REM2: variants seen among roughly 807,000 people sequenced by gnomAD.
REM2 encodes GTP-binding protein REM 2.
In REM2, 24 loss-of-function variants were observed where a neutral mutation model predicts 24.4. The observed-to-expected ratio is 0.98, with a 90% CI of 0.71 to 1.38. The LOEUF (loss-of-function observed/expected upper bound fraction) is 1.38, where lower values mean the gene tolerates loss of function less well. Among genes scored for constraint, REM2 ranks in the 40% most tolerant of loss-of-function variants. REM2 has a pLI of 0.00. For synonymous variants in REM2, 187 were observed against 198.0 expected (o/e 0.94, Z 0.47); for missense variants, 429 against 467.8 (o/e 0.92, Z 0.77).
chr14:22,884,586 C>A, intron 1 of REM2, 88 bp from the exon 2 acceptor site: 2 of 1,473,878 alleles, frequency 1.4e-6, no homozygotes, highest in Non-Finnish European at 1.8e-6. Context: ...GCCTCTGATA[C>A]TGGAACAGCC....
At position 22,886,131 on chromosome 14, in the gene REM2, C is replaced by T. The variant is rs1194787603; in HGVS notation, c.627C>T (p.Thr209=). The change falls in exon 4 of 5, where the codon ACC becomes ACT. Residue 209 remains threonine, a synonymous_variant. Transcript: ENST00000267396. This position sits in a 1 kb window ranked among gnomAD's most constrained non-coding sequence, Gnocchi z 5.9. ...DRRSFSKVPE[T]LLRLRAGRPH... ...GGAGTTTCTCCAAAGTTCCAGAGAC[C>T]CTACTTCGGCTCCGGGCTGGGAGGC... 1 of 1,613,874 alleles carries T rather than the reference C, an allele frequency of 6.2e-7. No individual in the cohort carries two copies. Among genetic ancestry groups the T allele is most frequent in the Non-Finnish European group, 8.5e-7 (1 of 1,179,890 alleles).
chr14:22,885,359 T>C lies in REM2; in HGVS notation c.519+20T>C. On this transcript the variant is annotated intron_variant, in intron 3 of 4. Coordinates refer to ENST00000267396, the MANE Select transcript of REM2 (RefSeq NM_173527.3). Reference sequence around the variant, plus strand: ...GAACAGGTGAGAACTAAGATGTGGCTGCAGGCAGGTGATGAAGCTGGGAGA... The same window carrying C: ...GAACAGGTGAGAACTAAGATGTGGCCGCAGGCAGGTGATGAAGCTGGGAGA... 1 of 1,588,686 alleles carries C rather than the reference T, an allele frequency of 6.3e-7. No individual in the cohort carries two copies. Among genetic ancestry groups the C allele is most frequent in the East Asian group, 2.2e-5 (1 of 44,762 alleles).
chr14:22,885,403 C>A, intron 3 of REM2, 64 bp downstream of exon 3: 3 of 1,255,370 alleles, frequency 2.4e-6, no homozygotes, highest in South Asian at 2.4e-5. Flanking sequence ...AGGGCAAAGT[C>A]TGGCTGAAGG....
chr14:22,885,039 G>T (rs1370371286), intron 2 of REM2, 24 bp downstream of exon 2: 1 of 1,522,882 alleles, frequency 6.6e-7, no homozygotes. Context: ...CCCTCCAGGG[G>T]TTGAGGGGGC....
Position 22,885,025 on chromosome 14 carries a change from G to A in REM2, c.445+10G>A, listed in dbSNP as rs2040109822. 16 of 1,528,092 alleles carry A rather than the reference G, an allele frequency of 1.0e-5. No homozygotes were observed. The highest frequency in any genetic ancestry group is 1.4e-5 in the African/African-American group (1 of 72,250). 94.7% of individuals were successfully genotyped at this position (1,528,092 alleles called of 1,614,324 possible). A position where few individuals can be genotyped will look rare whatever the true frequency, so the allele number is the denominator to read the frequency against. ...GAACCGGAGAACCCAGGTATTTGGG[G>A]AAGCCCTCCAGGGGTTGAGGGGGCT... On this transcript the variant is annotated intron_variant, in intron 2 of 4. Coordinates refer to ENST00000267396, the MANE Select transcript of REM2 (RefSeq NM_173527.3).
In REM2 at chr14:22,883,386, A is replaced by G. The variant is rs773138504; in HGVS notation, c.99A>G (p.Thr33=). 3.2e-6 allele frequency: 5 copies of G among 1,552,892 alleles called. No homozygotes were observed. In the South Asian group the frequency reaches 5.9e-5, roughly 18 times the overall value. ...GGGCCTCCCCTCCAGGGACGCCCACACCAGGTGAGGGCTAACCTGGGCAGG... is the reference window on the plus strand; with the variant it reads ...GGGCCTCCCCTCCAGGGACGCCCACGCCAGGTGAGGGCTAACCTGGGCAGG... ...SRRASPPGTP[T]PEADATLLKK... is the part of the protein sequence containing the mutation. The change falls in exon 1 of 5, where the codon ACA becomes ACG. Residue 33 remains threonine, a synonymous_variant. Coordinates refer to ENST00000267396, the MANE Select transcript of REM2 (RefSeq NM_173527.3).
intron 1 of REM2, 79 bp downstream of exon 1, chr14:22,883,469 G>C: frequency 7.8e-7 from 1 of 1,290,194 alleles, no homozygotes; most frequent in Middle Eastern, 1.8e-4. Flanking sequence ...TCAGAACTAG[G>C]GGTTGAGGGA....
Position 22,884,777 on chromosome 14 carries a change from GC to G in REM2, c.209del (p.Pro70LeufsTer14). ...GGGCCCCCAGACGAAGAGGCAGTAT[GC>G]CTGTCCCCTACAAGCACCAGCTCCG... The part of the protein sequence containing the change: ...PGAPRRRGSM[P>X]VPYKHQLRRA... On this transcript the variant is annotated frameshift_variant, in exon 2 of 5. Transcript: ENST00000267396. LOFTEE classifies it high-confidence loss of function. 1 of 1,614,052 alleles carries G rather than the reference GC, an allele frequency of 6.2e-7. No individual in the cohort carries two copies. Among genetic ancestry groups the G allele is most frequent in the Non-Finnish European group, 8.5e-7 (1 of 1,179,892 alleles).
chr14:22,884,657 C>A lies in REM2; in HGVS notation c.104-17C>A. 1.3e-6 allele frequency: 2 copies of A among 1,581,322 alleles called. No homozygotes were observed. The highest frequency in any genetic ancestry group is 2.3e-5 in the South Asian group (2 of 86,984). ...CACTCATAGCTTCCTTTTCTTTGCC[C>A]TCCCATTTTATTTTAGAAGCAGATG... On this transcript the variant is annotated splice_polypyrimidine_tract_variant and intron_variant, in intron 1 of 4. Coordinates refer to ENST00000267396, the MANE Select transcript of REM2 (RefSeq NM_173527.3).
In REM2 at chr14:22,886,929, C is replaced by G. The variant is rs2040136362; in HGVS notation, c.*20C>G. 10 of 1,394,168 alleles carry G rather than the reference C, an allele frequency of 7.2e-6. No homozygotes were observed. Among genetic ancestry groups the G allele is most frequent in the Non-Finnish European group, 9.4e-6 (10 of 1,067,240 alleles). The allele number at this position is 1,394,168 out of a possible 1,614,324, so 86.4% of individuals were successfully genotyped here. Reference sequence around the variant, plus strand: ...CTCTGAGCCGCGGTCGCCATGGCCACTGCGGTCGCCATGGTCACCGCGCCC... The same window carrying G: ...CTCTGAGCCGCGGTCGCCATGGCCAGTGCGGTCGCCATGGTCACCGCGCCC... On this transcript the variant is annotated 3_prime_UTR_variant, in exon 5 of 5. Coordinates refer to ENST00000267396, the MANE Select transcript of REM2 (RefSeq NM_173527.3). This position sits in a 1 kb window ranked among gnomAD's most constrained non-coding sequence, Gnocchi z 5.9.
At position 22,886,283 on chromosome 14, in the gene REM2, C is replaced by A. The variant is rs777421314; in HGVS notation, c.727+52C>A. 2 of 1,495,960 alleles carry A rather than the reference C, an allele frequency of 1.3e-6. No individual in the cohort carries two copies. The highest frequency in any genetic ancestry group is 2.4e-5 in the East Asian group (1 of 41,740). The allele number at this position is 1,495,960 out of a possible 1,614,324, so 92.7% of individuals were successfully genotyped here. ...TTGCGATCTCAGGGGAATGCTCTCC[C>A]TTCCAAGTCACCTCTTCTCCCTAAG... On this transcript the variant is annotated intron_variant, in intron 4 of 4. Transcript: ENST00000267396. This position sits in a 1 kb window ranked among gnomAD's most constrained non-coding sequence, Gnocchi z 5.9.
chr14:22,887,079 G>C lies in REM2; in HGVS notation c.*170G>C. On this transcript the variant is annotated 3_prime_UTR_variant, in exon 5 of 5. Coordinates refer to ENST00000267396, the MANE Select transcript of REM2 (RefSeq NM_173527.3). ...CGGGGGCGGCCCGGGGCCGCTCGGC[G>C]GCACCTCCACACCCGCCCCAACGCG... 1 of 510,720 alleles carries C rather than the reference G, an allele frequency of 2.0e-6. No homozygotes were observed. 31.6% of individuals were successfully genotyped at this position (510,720 alleles called of 1,614,324 possible).
In REM2 at chr14:22,887,117, T is replaced by A. The variant is rs1464610514; in HGVS notation, c.*208T>A. Reference sequence around the variant, plus strand: ...CCGCCCCAACGCGTTCTCTGGAGCTTTGGGCCTCAGGGCGCCTAGAAGGCG... The same window carrying A: ...CCGCCCCAACGCGTTCTCTGGAGCTATGGGCCTCAGGGCGCCTAGAAGGCG... On this transcript the variant is annotated 3_prime_UTR_variant, in exon 5 of 5. Transcript: ENST00000267396. The A allele has an allele frequency of 1.2e-5, 5 of 420,450 alleles. No homozygotes were observed. The highest frequency in any genetic ancestry group is 1.2e-5 in the Non-Finnish European group (3 of 241,124). 26.0% of individuals were successfully genotyped at this position (420,450 alleles called of 1,614,324 possible).
In REM2 at chr14:22,886,195, A is replaced by C. The variant is rs940872931; in HGVS notation, c.691A>C (p.Ser231Arg). 3 of 1,613,732 alleles carry C rather than the reference A, an allele frequency of 1.9e-6. No individual in the cohort carries two copies. The highest frequency in any genetic ancestry group is 2.7e-5 in the African/African-American group (2 of 74,922). Residue 231 changes from serine to arginine, a missense_variant, in exon 4 of 5, where the codon AGC (serine) becomes CGC (arginine). By Grantham distance (110) the Ser-to-Arg change is moderately radical (BLOSUM62 -1). Coordinates refer to ENST00000267396, the MANE Select transcript of REM2 (RefSeq NM_173527.3). This position sits in a 1 kb window ranked among gnomAD's most constrained non-coding sequence, Gnocchi z 5.9. ...DLPVILVGNK[S>R]DLARSREVSL... Reference sequence around the variant, plus strand: ...ACCCGTTATCCTCGTTGGAAACAAGAGCGACTTGGCCCGCTCCCGGGAGGT... The same window carrying C: ...ACCCGTTATCCTCGTTGGAAACAAGCGCGACTTGGCCCGCTCCCGGGAGGT...
chr14:22,884,024 T>C (rs1269003702), intron 1 of REM2: 1 of 984,928 alleles, frequency 1.0e-6, no homozygotes, highest in Non-Finnish European at 1.2e-6. Flanking sequence ...AACCACGCAA[T>C]GAGGGATGCT....
At position 22,886,105 on chromosome 14, in the gene REM2, C is replaced by A; in HGVS notation, c.601C>A (p.Arg201=). 1 of 1,613,986 alleles carries A rather than the reference C, an allele frequency of 6.2e-7. No homozygotes were observed. Among genetic ancestry groups the A allele is most frequent in the Non-Finnish European group, 8.5e-7 (1 of 1,179,888 alleles). The part of the protein sequence containing the change: ...FLIVFSVTDR[R]SFSKVPETLL... The stretch of plus-strand genomic sequence containing the variant: ...CATCGTCTTCTCAGTCACCGACCGA[C>A]GGAGTTTCTCCAAAGTTCCAGAGAC... The change falls in exon 4 of 5, where the codon CGG becomes AGG. Residue 201 remains arginine (R), a synonymous_variant. Coordinates refer to ENST00000267396, the MANE Select transcript of REM2 (RefSeq NM_173527.3). This position sits in a 1 kb window ranked among gnomAD's most constrained non-coding sequence, Gnocchi z 5.9.
Position 22,885,282 on chromosome 14 carries a change from A to T in REM2, c.462A>T (p.Arg154Ser), listed in dbSNP as rs1173892297. ...EPENPEDTYERRIMVDKEEVT... is the reference protein window; with the variant it reads ...EPENPEDTYESRIMVDKEEVT... Reference sequence around the variant, plus strand: ...TCCCAGCAGAGGATACCTATGAGAGACGCATCATGGTGGATAAGGAGGAAG... The same window carrying T: ...TCCCAGCAGAGGATACCTATGAGAGTCGCATCATGGTGGATAAGGAGGAAG... Residue 154 changes from arginine to serine, a missense_variant, in exon 3 of 5, where the codon AGA becomes AGT. Transcript: ENST00000267396. 6.2e-7 allele frequency: 1 copy of T among 1,613,518 alleles called. No individual in the cohort carries two copies. Among genetic ancestry groups the T allele is most frequent in the Non-Finnish European group, 8.5e-7 (1 of 1,179,602 alleles).
At position 22,884,887 on chromosome 14, in the gene REM2, C is replaced by T. The variant is rs762941371; in HGVS notation, c.317C>T (p.Ala106Val). Residue 106 changes from alanine (A) to valine (V), a missense_variant, in exon 2 of 5, where the codon GCA becomes GTA. By Grantham distance (64) the Ala-to-Val change is moderately conservative. Coordinates refer to ENST00000267396, the MANE Select transcript of REM2 (RefSeq NM_173527.3). The stretch of plus-strand genomic sequence containing the variant: ...TCTGACTCCTTGGGCTCAGGGGAGG[C>T]AGCCCCTGCTCAAAAGGATGGCATC... ...GSSDSLGSGE[A>V]APAQKDGIFK... is the part of the protein sequence containing the mutation. 6.2e-7 allele frequency: 1 copy of T among 1,613,408 alleles called. No homozygotes were observed. Among genetic ancestry groups the T allele is most frequent in the African/African-American group, 1.3e-5 (1 of 75,034 alleles).
Position 22,886,466 on chromosome 14 carries a change from C to A in REM2, c.728-148C>A. ...CCCTCTCCTTCGCACCTCCACAGAC[C>A]CACCATATGAGCTCAGCCATGTTCT... is the stretch of plus-strand genomic sequence containing the variant. On this transcript the variant is annotated intron_variant, in intron 4 of 4. Coordinates refer to ENST00000267396, the MANE Select transcript of REM2 (RefSeq NM_173527.3). This position sits in a 1 kb window ranked among gnomAD's most constrained non-coding sequence, Gnocchi z 5.9. 2 of 790,532 alleles carry A rather than the reference C, an allele frequency of 2.5e-6. No individual in the cohort carries two copies. Among genetic ancestry groups the A allele is most frequent in the Non-Finnish European group, 2.0e-6 (1 of 508,944 alleles). 49.0% of individuals were successfully genotyped at this position (790,532 alleles called of 1,614,324 possible).
Sources: gnomAD v4.1 joint callset for allele counts on GRCh38, gnomAD v4.1.1 for gene constraint, Gnocchi (gnomAD v3.1) non-coding constraint, MANE v1.5 for transcripts, NCBI Gene and HGNC (gene_info 2026-07-23, HGNC 2026-07-21) for gene names.